The following DROSHA variants were observed in gnomAD, a reference collection of about 807,000 sequenced individuals.
The protein encoded by DROSHA is drosha ribonuclease III.
In DROSHA, 56 loss-of-function variants were observed where a neutral mutation model predicts 181.9. That is an observed-to-expected ratio of 0.31 (90% CI 0.25 to 0.38). The LOEUF is 0.38. DROSHA is among the 10% of genes least tolerant of loss of function. The probability of loss-of-function intolerance (pLI) is 1.00; values close to 1 mark genes in which losing one functional copy is unlikely to be tolerated. For missense variants in DROSHA, 1,218 were observed against 1,743.5 expected, an observed-to-expected ratio of 0.70 and a Z score of 5.37; for synonymous variants, 524 against 591.2, an observed-to-expected ratio of 0.89 and a Z score of 1.65.
Position 31,511,181 on chromosome 5 carries a change from TA to T in DROSHA, c.1291-6del, listed in dbSNP as rs772396679. ...TCCAACCACTGTAGAATCTCCCTTT[TA>T]AAAATAAAGGATCAATATTAGGAAC... On this transcript the variant is annotated splice_region_variant and splice_polypyrimidine_tract_variant and intron_variant, in intron 8 of 35. Coordinates refer to ENST00000344624, the MANE Select transcript of DROSHA (RefSeq NM_001382508.1). 2 of 1,611,586 alleles carry T rather than the reference TA, an allele frequency of 1.2e-6. No homozygotes were observed. The highest frequency in any genetic ancestry group is 1.1e-5 in the South Asian group (1 of 90,508).
intron 16 of DROSHA, among the ~76,000 whole-genome samples, chr5:31,474,652 G>A (rs1395263399): frequency 2.0e-5 from 3 of 152,054 alleles, no homozygotes; most frequent in South Asian, 2.1e-4. Flanking sequence ...TGTGAGCCAC[G>A]GCACCCAGCC....
intron 4 of DROSHA, 23 bp from the exon 5 acceptor site, chr5:31,526,935 G>A (rs745391702): frequency 3.1e-6 from 5 of 1,595,832 alleles, no homozygotes; most frequent in Non-Finnish European, 4.3e-6. Context: ...AAAGAAAAAG[G>A]GAAAAGTTTT....
chr5:31,464,302 T>C lies in DROSHA; in HGVS notation c.2508A>G (p.Arg836=). The C allele has an allele frequency of 6.2e-7, 1 of 1,613,484 alleles. No individual in the cohort carries two copies. Among genetic ancestry groups the C allele is most frequent in the Non-Finnish European group, 8.5e-7 (1 of 1,179,648 alleles). ...GGCTACTTAGCTCCACCGTTACTTCTCGTCTCATTGTATTCTTCTGCCGTA... is the reference window on the plus strand; with the variant it reads ...GGCTACTTAGCTCCACCGTTACTTCCCGTCTCATTGTATTCTTCTGCCGTA... ...QKIRQKNTMR[R]EVTVELSSQG... The change falls in exon 20 of 36, where the codon CGA becomes CGG. Residue 836 remains arginine, a synonymous_variant. Coordinates refer to ENST00000344624, the MANE Select transcript of DROSHA (RefSeq NM_001382508.1).
rs368179284 is a variant in DROSHA at position 31,511,219 on chromosome 5, C to T, written c.1291-43G>A. The T allele has an allele frequency of 1.3e-4, 205 of 1,561,716 alleles. 1 individual carries two copies. The African/African-American group carries it at 2.2e-3, about 17-fold the overall frequency. ...TCAATATTAGGAACTATATCAATAACGATCATATCAAAGATATGTAAGATC... is the reference window on the plus strand; with the variant it reads ...TCAATATTAGGAACTATATCAATAATGATCATATCAAAGATATGTAAGATC... On this transcript the variant is annotated intron_variant, in intron 8 of 35. Coordinates refer to ENST00000344624, the MANE Select transcript of DROSHA (RefSeq NM_001382508.1).
At chr5:31,408,508 C>T (rs1740918373) in intron 33 of DROSHA, among the ~76,000 whole-genome samples, 1 of 152,148 alleles carries the variant, frequency 6.6e-6, no homozygotes, top group Non-Finnish European at 1.5e-5. Context: ...TACTCACCTA[C>T]ATTCCTTTTT....
At chr5:31,422,187 A>T (rs192558150) in intron 29 of DROSHA, among the ~76,000 whole-genome samples, 293 of 152,172 alleles carry the variant, frequency 1.9e-3, no homozygotes, top group African/African-American at 6.7e-3. Context: ...AAAATCTATG[A>T]TAAGAATCTT....
chr5:31,519,000 T>C (rs1338581170), intron 6 of DROSHA, among the ~76,000 whole-genome samples: 2 of 152,176 alleles, frequency 1.3e-5, no homozygotes, highest in East Asian at 3.8e-4. Context: ...AGATCTTTTT[T>C]AGGTAAGTGT....
intron 3 of DROSHA, 122 bp downstream of exon 3, chr5:31,530,676 G>A: frequency 5.5e-6 from 2 of 364,120 alleles, no homozygotes; most frequent in Non-Finnish European, 4.9e-6. Context: ...AATCTGCCCA[G>A]TGATTTTCTA....
chr5:31,514,260 C>CACAT lies in DROSHA; in HGVS notation c.1290+727_1290+728insATGT, dbSNP rs753924778. 0.044 allele frequency among the ~76,000 whole-genome samples: 6,469 copies of CACAT among 148,372 alleles called. 411 individuals are homozygous for CACAT. The highest frequency in any genetic ancestry group is 0.14 in the African/African-American group (5,753 of 39,800). The stretch of plus-strand genomic sequence containing the variant: ...ACACACACACACACACACACACACA[C>CACAT]ATACACATACACACTACAAACTGCA... On this transcript the variant is annotated intron_variant, in intron 8 of 35. Coordinates refer to ENST00000344624, the MANE Select transcript of DROSHA (RefSeq NM_001382508.1). The surrounding 1 kb of genome is among the most constrained non-coding windows in gnomAD (Gnocchi z 4.4).
chr5:31,460,210 T>C (rs1748253143), intron 20 of DROSHA, among the ~76,000 whole-genome samples: 4 of 152,166 alleles, frequency 2.6e-5, no homozygotes, highest in Admixed American at 2.6e-4. Flanking sequence ...TTCCTTTTTC[T>C]TCCATATTAC....
intron 16 of DROSHA, among the ~76,000 whole-genome samples, chr5:31,472,771 A>G (rs1312530227): frequency 2.0e-5 from 3 of 152,232 alleles, no homozygotes; most frequent in Non-Finnish European, 2.9e-5. Context: ...AGAGCTAAAG[A>G]GCCTGTGCTA....
chr5:31,476,831 T>C (rs1750426970), intron 16 of DROSHA, among the ~76,000 whole-genome samples: 1 of 152,162 alleles, frequency 6.6e-6, no homozygotes. Flanking sequence ...TAAACATTTG[T>C]GGAATGACTT....
chr5:31,425,062 G>A (rs569730866), intron 27 of DROSHA, among the ~76,000 whole-genome samples: 2 of 152,146 alleles, frequency 1.3e-5, no homozygotes, highest in South Asian at 4.2e-4. Flanking sequence ...TAAATCTAGA[G>A]GTTATAATGA....
chr5:31,494,875 C>T (rs10065887), intron 12 of DROSHA, among the ~76,000 whole-genome samples: 3,864 of 152,054 alleles, frequency 0.025, 166 homozygotes, highest in African/African-American at 0.089. Flanking sequence ...GGGGTTTCAC[C>T]GTGTTAGCCA....
intron 27 of DROSHA, among the ~76,000 whole-genome samples, chr5:31,426,803 C>T (rs1198953166): frequency 6.6e-6 from 1 of 152,104 alleles, no homozygotes; most frequent in Non-Finnish European, 1.5e-5. Flanking sequence ...CTAACCAAAT[C>T]TGCATATTGA....
chr5:31,489,688 TAA>T (rs1028337900), intron 13 of DROSHA, among the ~76,000 whole-genome samples: 1 of 151,898 alleles, frequency 6.6e-6, no homozygotes, highest in African/African-American at 2.4e-5. Flanking sequence ...CTCAAAAAAC[TAA>T]AAAACTCTCC....
chr5:31,405,854 C>T, intron 34 of DROSHA, 131 bp from the exon 35 acceptor site: 1 of 736,452 alleles, frequency 1.4e-6, no homozygotes, highest in Non-Finnish European at 2.1e-6. Flanking sequence ...TGCATAAAAT[C>T]TCCTCTGATT....
intron 16 of DROSHA, among the ~76,000 whole-genome samples, chr5:31,479,303 T>C (rs1201952376): frequency 1.3e-5 from 2 of 152,234 alleles, no homozygotes; most frequent in Non-Finnish European, 2.9e-5. Flanking sequence ...TACTTTTGTA[T>C]TGTTTGTATA....
chr5:31,456,929 G>A (rs1393975353), intron 20 of DROSHA, among the ~76,000 whole-genome samples: 1 of 151,948 alleles, frequency 6.6e-6, no homozygotes, highest in Non-Finnish European at 1.5e-5. Flanking sequence ...ACCTGGCTAA[G>A]TTTGCAATCC....
Sources: gnomAD v4.1 joint callset for allele counts (sites outside exome capture counted in the v4.1 genomes callset) on GRCh38, gnomAD v4.1.1 for gene constraint, Gnocchi (gnomAD v3.1) non-coding constraint, MANE v1.5 for transcripts, NCBI Gene and HGNC (gene_info 2026-07-23, HGNC 2026-07-21) for gene names.